Variants in FOCAD observed in about 807,000 individuals in gnomAD.
The protein encoded by FOCAD is focadhesin.
A neutral mutation model predicts 225.6 loss-of-function variants in FOCAD; 198 were observed. The ratio of observed to expected loss-of-function variants is 0.88; its 90% confidence interval spans 0.78 to 0.99. The LOEUF (loss-of-function observed/expected upper bound fraction) is 0.99. Ranked by LOEUF, FOCAD falls within the 50% of genes least tolerant of loss-of-function variation. FOCAD has a pLI of 0.00. For missense variants in FOCAD, 2,713 were observed against 2,123.6 expected, an observed-to-expected ratio of 1.28 and a Z score of -5.46; for synonymous variants, 897 against 755.0, an observed-to-expected ratio of 1.19 and a Z score of -3.08.
At chr9:20,724,114 C>G (rs981982238) in intron 4 of FOCAD, among the ~76,000 whole-genome samples, 7 of 152,158 alleles carry the variant, frequency 4.6e-5, no homozygotes, top group Non-Finnish European at 8.8e-5. Flanking sequence ...TCATTCACCC[C>G]CTACCAGGCC....
At chr9:20,978,262 G>A in intron 36 of FOCAD, 77 bp from the exon 37 acceptor site, 1 of 868,256 alleles carries the variant, frequency 1.2e-6, no homozygotes, top group Non-Finnish European at 1.7e-6. Context: ...CAGATGCTTT[G>A]ATTTGAGATA....
Position 20,715,304 on chromosome 9 carries a change from C to A in FOCAD, c.-32-18C>A. 8.0e-7 allele frequency: 1 copy of A among 1,254,682 alleles called. No individual in the cohort carries two copies. The highest frequency in any genetic ancestry group is 1.1e-6 in the Non-Finnish European group (1 of 923,506). The allele number at this position is 1,254,682 out of a possible 1,614,324, so 77.7% of individuals were successfully genotyped here. A position where few individuals can be genotyped will look rare whatever the true frequency, so the allele number is the denominator to read the frequency against. ...ACCAGTTGGAAGACTAACAAATATT[C>A]TTTTGTTTTGGTTACAGAAGCTGCA... On this transcript the variant is annotated intron_variant, in intron 1 of 43. Transcript: ENST00000338382.
intron 3 of FOCAD, among the ~76,000 whole-genome samples, chr9:20,719,348 G>A (rs898081579): frequency 2.0e-5 from 3 of 152,184 alleles, no homozygotes; most frequent in East Asian, 1.9e-4. Flanking sequence ...CTCCCAAAGT[G>A]TTGGGATTAC....
At chr9:20,994,194 T>G (rs758620161) in intron 43 of FOCAD, among the ~76,000 whole-genome samples, 2 of 152,246 alleles carry the variant, frequency 1.3e-5, no homozygotes, top group Non-Finnish European at 2.9e-5. Context: ...CTTTCAGGCA[T>G]TTAAATGATT....
At chr9:20,780,005 G>A (rs1819209881) in intron 9 of FOCAD, among the ~76,000 whole-genome samples, 1 of 152,112 alleles carries the variant, frequency 6.6e-6, no homozygotes, top group East Asian at 1.9e-4. Context: ...CAGTGCACAT[G>A]GGATCTACCC....
chr9:20,695,113 G>A (rs1013061591), intron 1 of FOCAD, among the ~76,000 whole-genome samples: 1 of 152,164 alleles, frequency 6.6e-6, no homozygotes, highest in Admixed American at 6.5e-5. Flanking sequence ...TATTGTCCTG[G>A]AAGAGGTACC....
intron 19 of FOCAD, among the ~76,000 whole-genome samples, chr9:20,878,951 A>G (rs912766942): frequency 2.0e-5 from 3 of 152,172 alleles, no homozygotes; most frequent in Non-Finnish European, 4.4e-5. Flanking sequence ...CCCAGCTCTC[A>G]TAGAGAGTTC....
rs150357936 is a variant in FOCAD, at chr9:20,952,934, A to G, written c.4052-51A>G. On this transcript the variant is annotated intron_variant, in intron 34 of 43. Transcript: ENST00000338382. ...AGCATGAGATCATTATCTTTCCTTC[A>G]TTAGTCCTGCCAAGTTCACTGGTTA... 4.2e-4 allele frequency: 601 copies of G among 1,423,278 alleles called. 1 individual carries two copies. In the East Asian group the frequency reaches 0.012, roughly 28 times the overall value. 88.2% of individuals were successfully genotyped at this position (1,423,278 alleles called of 1,614,324 possible). A position where few individuals can be genotyped will look rare whatever the true frequency, so the allele number is the denominator to read the frequency against.
intron 4 of FOCAD, among the ~76,000 whole-genome samples, chr9:20,726,779 C>T (rs1826233983): frequency 6.6e-6 from 1 of 152,026 alleles, no homozygotes; most frequent in South Asian, 2.1e-4. Flanking sequence ...TATTGATGAC[C>T]CTGTTCCTTG....
intron 2 of FOCAD, among the ~76,000 whole-genome samples, chr9:20,659,585 G>T (rs1457988433): frequency 1.3e-5 from 2 of 152,180 alleles, no homozygotes; most frequent in African/African-American, 4.8e-5. Flanking sequence ...CAAGGAGCTA[G>T]GCCTCGGGAG....
At chr9:20,875,842 T>A (rs1462518439) in intron 19 of FOCAD, 1 of 152,234 alleles carries the variant, frequency 6.6e-6, no homozygotes, top group Non-Finnish European at 1.5e-5. Flanking sequence ...TTATTGTGAT[T>A]AAGTAGCTTT....
intron 15 of FOCAD, among the ~76,000 whole-genome samples, chr9:20,854,722 G>A (rs1313150306): frequency 1.3e-5 from 2 of 151,742 alleles, no homozygotes; most frequent in African/African-American, 2.4e-5. Flanking sequence ...GAATTCTTCA[G>A]TATCTTATAG....
intron 28 of FOCAD, 51 bp downstream of exon 28, chr9:20,933,154 C>T (rs1489135965): frequency 7.9e-7 from 1 of 1,260,626 alleles, no homozygotes; most frequent in South Asian, 1.2e-5. Flanking sequence ...TTGCTCCCTA[C>T]ACTGCCATAA....
chr9:20,899,084 A>T (rs1422186041), intron 21 of FOCAD, among the ~76,000 whole-genome samples: 1 of 151,888 alleles, frequency 6.6e-6, no homozygotes, highest in Non-Finnish European at 1.5e-5. Context: ...CAGGCTGGTT[A>T]GGTGCTGATA....
chr9:20,754,166 G>A (rs563060445), intron 5 of FOCAD, among the ~76,000 whole-genome samples: 2 of 152,254 alleles, frequency 1.3e-5, no homozygotes, highest in East Asian at 1.9e-4. Context: ...CTAACAAGCA[G>A]TGGGTGAGAG....
At chr9:20,807,688 G>A (rs1253133198) in intron 11 of FOCAD, among the ~76,000 whole-genome samples, 3 of 152,180 alleles carry the variant, frequency 2.0e-5, no homozygotes. Flanking sequence ...TGGCTACTAT[G>A]TTGAACAGTA....
intron 1 of FOCAD, among the ~76,000 whole-genome samples, chr9:20,714,699 CCT>C (rs1252837034): frequency 1.4e-5 from 2 of 146,938 alleles, no homozygotes; most frequent in African/African-American, 5.0e-5. Context: ...TTCCTTCCTT[CCT>C]CTCTCTTTCT....
chr9:20,716,595 C>G (rs1028671437), intron 2 of FOCAD, among the ~76,000 whole-genome samples: 9 of 152,094 alleles, frequency 5.9e-5, no homozygotes, highest in African/African-American at 2.2e-4. Context: ...TTCTTTGTCC[C>G]TATTGTGTTT....
Position 20,979,590 on chromosome 9 carries a change from C to T in FOCAD, c.4377+1136C>T, listed in dbSNP as rs566807510. Among the ~76,000 whole-genome samples, 28 of 152,298 alleles carry T rather than the reference C, an allele frequency of 1.8e-4. No homozygotes were observed. The South Asian group carries it at 5.8e-3, about 32-fold the overall frequency. On this transcript the variant is annotated intron_variant, in intron 37 of 43. Coordinates refer to ENST00000338382, the MANE Select transcript of FOCAD (RefSeq NM_001375567.1). ...CTGACCTCAAGTGATCTGCCCACCT[C>T]AGTCTCCCAAAGTGCTGGGATTACA...
Sources: allele counts gnomAD v4.1 joint callset (sites outside exome capture counted in the v4.1 genomes callset), GRCh38; gene constraint gnomAD v4.1.1; transcripts MANE v1.5; gene names NCBI Gene and HGNC (gene_info 2026-07-23, HGNC 2026-07-21).